OSBPL10: variants seen among roughly 807,000 people sequenced by gnomAD.
OSBPL10 encodes the protein oxysterol-binding protein-related protein 10.
A neutral mutation model predicts 81.7 loss-of-function variants in OSBPL10; 49 were observed. The observed-to-expected ratio is 0.60, with a 90% CI of 0.48 to 0.76. The LOEUF (loss-of-function observed/expected upper bound fraction) is 0.76. Among genes scored for constraint, OSBPL10 ranks in the 30% least tolerant of loss-of-function variants. OSBPL10 has a pLI of 0.00. For missense variants in OSBPL10, 923 were observed against 987.8 expected (o/e 0.93, Z 0.88); for synonymous variants, 419 against 383.6 (o/e 1.09, Z -1.08).
At chr3:31,736,901 C>T (rs1697191313) in intron 5 of OSBPL10, among the ~76,000 whole-genome samples, 1 of 152,112 alleles carries the variant, frequency 6.6e-6, no homozygotes, top group Non-Finnish European at 1.5e-5. Context: ...TGTCTTTAAA[C>T]AAAACACTAG....
At chr3:31,855,789 C>T (rs1029849737) in intron 3 of OSBPL10, among the ~76,000 whole-genome samples, 1 of 152,110 alleles carries the variant, frequency 6.6e-6, no homozygotes, top group Non-Finnish European at 1.5e-5. Context: ...CTTTATCACT[C>T]ACAGTGGATG....
intron 1 of OSBPL10, among the ~76,000 whole-genome samples, chr3:31,902,019 C>T (rs1187932439): frequency 6.6e-6 from 1 of 152,072 alleles, no homozygotes; most frequent in Admixed American, 6.6e-5. Context: ...AACAGTGAGG[C>T]TCTGTCTCCA....
chr3:31,792,740 A>AGTGTGTGTGTGTGTGTGTGTGTGTGT (rs10575874), intron 4 of OSBPL10, among the ~76,000 whole-genome samples: 1 of 133,606 alleles, frequency 7.5e-6, no homozygotes, highest in African/African-American at 2.8e-5. Context: ...CCAGACACAG[A>AGTGTGTGTGTGTGTGTGTGTGTGTGT]GTGTGTGTGT....
intron 1 of OSBPL10, among the ~76,000 whole-genome samples, chr3:31,883,240 ACT>A (rs1333975065): frequency 4.9e-5 from 5 of 101,306 alleles, no homozygotes; most frequent in African/African-American, 2.2e-4. Flanking sequence ...CAAGCATGCC[ACT>A]CTTTTTTTTT....
chr3:31,841,297 C>CCAA (rs776708638), intron 3 of OSBPL10, among the ~76,000 whole-genome samples: 4 of 152,206 alleles, frequency 2.6e-5, no homozygotes, highest in Admixed American at 6.5e-5. Flanking sequence ...GTAAACAGAG[C>CCAA]CAACAAGATT....
rs1447283739 is a variant in OSBPL10, at chr3:31,699,496, C to T, written c.1245+2863G>A. Among the ~76,000 whole-genome samples, 4 of 152,328 alleles carry T rather than the reference C, an allele frequency of 2.6e-5. No individual in the cohort carries two copies. In the East Asian group the frequency reaches 5.8e-4, roughly 22 times the overall value. On this transcript the variant is annotated intron_variant, in intron 7 of 11. Transcript: ENST00000396556. ...CCAGTAACTTGGGGTTATGGTGCCA[C>T]CCTGAGGAAAGAGGGCAGACAAGGG...
chr3:31,872,703 C>A (rs1166431805), intron 3 of OSBPL10, among the ~76,000 whole-genome samples: 1 of 147,124 alleles, frequency 6.8e-6, no homozygotes, highest in Non-Finnish European at 1.5e-5. Flanking sequence ...TTTGATGTAA[C>A]CTCTGTCTCC....
At chr3:31,817,051 G>A (rs1193773787) in intron 4 of OSBPL10, among the ~76,000 whole-genome samples, 3 of 152,126 alleles carry the variant, frequency 2.0e-5, no homozygotes, top group Non-Finnish European at 4.4e-5. Flanking sequence ...TCCTCTCCCT[G>A]CTCTGGCTGA....
intron 4 of OSBPL10, among the ~76,000 whole-genome samples, chr3:31,790,463 C>T (rs1320900632): frequency 2.6e-5 from 4 of 152,174 alleles, no homozygotes; most frequent in African/African-American, 9.7e-5. Flanking sequence ...ACCTGATTTA[C>T]ATTTCACATA....
chr3:32,013,493 G>C (rs1359892460), intron 2 of OSBPL10, among the ~76,000 whole-genome samples: 1 of 152,040 alleles, frequency 6.6e-6, no homozygotes, highest in Non-Finnish European at 1.5e-5. Context: ...GAGAAAGCAG[G>C]AAAGATCTAA....
intron 3 of OSBPL10, among the ~76,000 whole-genome samples, chr3:31,855,139 C>G (rs1478021510): frequency 6.6e-6 from 1 of 152,198 alleles, no homozygotes; most frequent in East Asian, 1.9e-4. Flanking sequence ...TATCCTTCCA[C>G]CTCGGCCTCC....
intron 3 of OSBPL10, among the ~76,000 whole-genome samples, chr3:31,856,547 G>A (rs1027207900): frequency 8.5e-5 from 13 of 152,252 alleles, no homozygotes; most frequent in African/African-American, 2.9e-4. Context: ...TAAACTCATC[G>A]GAATCTATTC....
At chr3:31,877,186 G>A (rs902931556) in intron 2 of OSBPL10, among the ~76,000 whole-genome samples, 2 of 152,192 alleles carry the variant, frequency 1.3e-5, no homozygotes, top group Non-Finnish European at 2.9e-5. Context: ...ATTACAGGCT[G>A]AGCCACTGCA....
intron 1 of OSBPL10, among the ~76,000 whole-genome samples, chr3:31,916,339 C>A (rs566768973): frequency 6.6e-6 from 1 of 152,130 alleles, no homozygotes; most frequent in African/African-American, 2.4e-5. Flanking sequence ...TCTAAAGTCA[C>A]GTAAAATGTT....
At chr3:31,938,492 G>A (rs1379308641) in intron 1 of OSBPL10, among the ~76,000 whole-genome samples, 1 of 152,134 alleles carries the variant, frequency 6.6e-6, no homozygotes, top group African/African-American at 2.4e-5. Context: ...ATTCCCCTCA[G>A]AAGTTTTTGT....
At chr3:31,967,962 T>C (rs1288567358) in intron 1 of OSBPL10, among the ~76,000 whole-genome samples, 2 of 152,234 alleles carry the variant, frequency 1.3e-5, no homozygotes, top group African/African-American at 2.4e-5. Flanking sequence ...CCAAGGTTTT[T>C]GTTTTGAATA....
At chr3:31,912,558 G>A (rs1696613495) in intron 1 of OSBPL10, among the ~76,000 whole-genome samples, 1 of 152,110 alleles carries the variant, frequency 6.6e-6, no homozygotes, top group Non-Finnish European at 1.5e-5. Flanking sequence ...CACCCAAGAA[G>A]CTCTCGCCCT....
At chr3:31,872,844 G>A (rs902218694) in intron 3 of OSBPL10, among the ~76,000 whole-genome samples, 6 of 151,960 alleles carry the variant, frequency 3.9e-5, no homozygotes, top group African/African-American at 7.3e-5. Flanking sequence ...GGCTGGTCTC[G>A]AACTCCCAGA....
In OSBPL10 at chr3:31,919,799, C is replaced by T. The variant is rs572867039; in HGVS notation, c.282-39969G>A. ...GGGCTGAGGAAAACAGGAAGTACAA[C>T]ACAGGCACTGCAAATCTATCCACCA... On this transcript the variant is annotated intron_variant, in intron 1 of 11. Transcript: ENST00000396556. 1.2e-3 allele frequency among the ~76,000 whole-genome samples: 182 copies of T among 152,322 alleles called. No homozygotes were observed. In the South Asian group the frequency reaches 0.022, roughly 18 times the overall value.
Sources: gnomAD v4.1 joint callset for allele counts (sites outside exome capture counted in the v4.1 genomes callset) on GRCh38, gnomAD v4.1.1 for gene constraint, MANE v1.5 for transcripts, NCBI Gene and HGNC (gene_info 2026-07-23, HGNC 2026-07-21) for gene names.